The following LYPLAL1 variants were observed in gnomAD, a reference collection of about 807,000 sequenced individuals.
LYPLAL1 encodes the protein lysophospholipase-like protein 1.
In LYPLAL1, 23 loss-of-function variants were observed where a neutral mutation model predicts 19.7. The observed-to-expected ratio is 1.17, with a 90% CI of 0.84 to 1.65. The LOEUF (loss-of-function observed/expected upper bound fraction) is 1.65, where lower values mean the gene tolerates loss of function less well. Among genes scored for constraint, LYPLAL1 ranks in the 40% most tolerant of loss-of-function variants. LYPLAL1 has a pLI of 0.00. For missense variants in LYPLAL1, 355 were observed against 279.4 expected, an observed-to-expected ratio of 1.27 and a Z score of -1.93; for synonymous variants, 119 against 96.3, an observed-to-expected ratio of 1.24 and a Z score of -1.38.
chr1:219,417,262 C>A, the LYPLAL1 span, among the ~76,000 whole-genome samples: 1 of 152,006 alleles, frequency 6.6e-6, no homozygotes, highest in East Asian at 1.9e-4. Flanking sequence ...TGTGAGCCAG[C>A]CTTATTAGTA....
chr1:219,423,531 T>C, the LYPLAL1 span, among the ~76,000 whole-genome samples: 1 of 152,200 alleles, frequency 6.6e-6, no homozygotes, highest in Admixed American at 6.5e-5. Context: ...ACATCCAGGT[T>C]CTATGTCATT....
At chr1:219,435,597 C>T in the LYPLAL1 span, among the ~76,000 whole-genome samples, 1 of 152,006 alleles carries the variant, frequency 6.6e-6, no homozygotes, top group South Asian at 2.1e-4. Flanking sequence ...GAGGCCGAGG[C>T]AGGCGGATCA....
chr1:219,361,642 A>C, the LYPLAL1 span, among the ~76,000 whole-genome samples: 1 of 152,146 alleles, frequency 6.6e-6, no homozygotes, highest in African/African-American at 2.4e-5. Flanking sequence ...GATGTCCAAG[A>C]AGTCCAAGGA....
At chr1:219,189,710 A>T (rs1176167148) in intron 2 of LYPLAL1, among the ~76,000 whole-genome samples, 1 of 151,604 alleles carries the variant, frequency 6.6e-6, no homozygotes. Flanking sequence ...AAGAGCAATG[A>T]AGGAAAAGCT....
At chr1:219,380,709 G>T in the LYPLAL1 span, among the ~76,000 whole-genome samples, 2 of 152,132 alleles carry the variant, frequency 1.3e-5, no homozygotes, top group African/African-American at 2.4e-5. Context: ...AAGTCAAAAG[G>T]CAATATAAAT....
intron 3 of LYPLAL1, among the ~76,000 whole-genome samples, chr1:219,210,010 T>C (rs1253333996): frequency 6.6e-6 from 1 of 152,134 alleles, no homozygotes; most frequent in African/African-American, 2.4e-5. Flanking sequence ...CAAAATAATA[T>C]TGTAATCCAA....
At chr1:219,257,345 C>G in the LYPLAL1 span, among the ~76,000 whole-genome samples, 1 of 127,064 alleles carries the variant, frequency 7.9e-6, no homozygotes, top group African/African-American at 2.8e-5. Flanking sequence ...TTTAAAACAT[C>G]CATACCAGTT....
chr1:219,316,573 A>G, the LYPLAL1 span, among the ~76,000 whole-genome samples: 1 of 152,094 alleles, frequency 6.6e-6, no homozygotes, highest in African/African-American at 2.4e-5. Context: ...AGGTCAAGGA[A>G]TTTTCTTTGT....
At chr1:219,254,249 C>G in the LYPLAL1 span, among the ~76,000 whole-genome samples, 4 of 151,922 alleles carry the variant, frequency 2.6e-5, no homozygotes, top group Non-Finnish European at 5.9e-5. Context: ...CACTCTGTGC[C>G]TTTTATTTGG....
chr1:219,283,863 G>A, the LYPLAL1 span, among the ~76,000 whole-genome samples: 1 of 152,178 alleles, frequency 6.6e-6, no homozygotes, highest in Admixed American at 6.5e-5. Context: ...AGGAAGCAGT[G>A]GGTAATGTAG....
intron 2 of LYPLAL1, among the ~76,000 whole-genome samples, chr1:219,180,085 C>T (rs1274291267): frequency 6.6e-6 from 1 of 152,134 alleles, no homozygotes; most frequent in Non-Finnish European, 1.5e-5. Flanking sequence ...CAGCCTTTGC[C>T]TCCCAAGTTC....
the LYPLAL1 span, among the ~76,000 whole-genome samples, chr1:219,311,534 G>T: frequency 4.1e-5 from 6 of 144,988 alleles, no homozygotes; most frequent in East Asian, 2.0e-4. Context: ...TGTTGTAGGT[G>T]TTTTTTTTTT....
chr1:219,367,718 G>A, the LYPLAL1 span, among the ~76,000 whole-genome samples: 1 of 152,162 alleles, frequency 6.6e-6, no homozygotes, highest in East Asian at 1.9e-4. Flanking sequence ...AGAGCCTAAT[G>A]CCATGAAAAA....
At chr1:219,272,896 A>G in the LYPLAL1 span, 1 of 152,202 alleles carries the variant, frequency 6.6e-6, no homozygotes, top group African/African-American at 2.4e-5. Context: ...TTTTCCATAA[A>G]AAATTATAAG....
At chr1:219,275,190 C>T in the LYPLAL1 span, among the ~76,000 whole-genome samples, 1 of 152,180 alleles carries the variant, frequency 6.6e-6, no homozygotes, top group Non-Finnish European at 1.5e-5. Flanking sequence ...ATGCAAGTCT[C>T]TTCTGACTGA....
chr1:219,314,618 G>A, the LYPLAL1 span, among the ~76,000 whole-genome samples: 72 of 152,074 alleles, frequency 4.7e-4, no homozygotes, highest in African/African-American at 1.6e-3. Context: ...CTAATTTTTC[G>A]TATTTTTAGT....
At chr1:219,259,408 CAT>C in the LYPLAL1 span, among the ~76,000 whole-genome samples, 88,823 of 141,390 alleles carry the variant, frequency 0.63, 27,682 homozygotes, top group South Asian at 0.75. Context: ...GGTATATATA[CAT>C]ATATATATAT....
the LYPLAL1 span, among the ~76,000 whole-genome samples, chr1:219,359,325 T>A: frequency 6.6e-6 from 1 of 152,212 alleles, no homozygotes; most frequent in East Asian, 1.9e-4. Context: ...CAAAGCAAAC[T>A]GTGTTTTCTT....
chr1:219,432,909 A>C, the LYPLAL1 span, among the ~76,000 whole-genome samples: 2 of 152,138 alleles, frequency 1.3e-5, no homozygotes, highest in African/African-American at 4.8e-5. Flanking sequence ...TCACACATAC[A>C]ACAGGTTCCA....
Sources: gnomAD v4.1 joint callset for allele counts (sites outside exome capture counted in the v4.1 genomes callset) on GRCh38, gnomAD v4.1.1 for gene constraint, MANE v1.5 for transcripts, NCBI Gene and HGNC (gene_info 2026-07-23, HGNC 2026-07-21) for gene names.